The following IL34 variants were observed in gnomAD, a reference collection of about 807,000 sequenced individuals.
IL34 encodes the protein interleukin-34.
IL34 carries 17 observed loss-of-function variants against 25.3 expected under a neutral mutation model. The ratio of observed to expected loss-of-function variants is 0.67; its 90% CI spans 0.46 to 1.01. IL34 has a LOEUF of 1.01. IL34 is among the 50% of genes least tolerant of loss of function. The pLI is 0.00. For synonymous variants in IL34, 174 were observed against 140.9 expected (o/e 1.23, Z -1.66); for missense variants, 368 against 312.9 (o/e 1.18, Z -1.33).
chr16:70,647,772 A>C (rs1339218724), intron 1 of IL34, among the ~76,000 whole-genome samples: 1 of 152,164 alleles, frequency 6.6e-6, no homozygotes, highest in Non-Finnish European at 1.5e-5. Context: ...TTGAAAGAAG[A>C]GTTGGGTCCA....
At position 70,656,594 on chromosome 16, in the gene IL34, C is replaced by G. The variant is rs370985022; in HGVS notation, c.163-8C>G. On this transcript the variant is annotated splice_region_variant and splice_polypyrimidine_tract_variant and intron_variant, in intron 2 of 5. Coordinates refer to ENST00000288098, the MANE Select transcript of IL34 (RefSeq NM_001393494.1). Reference sequence around the variant, plus strand: ...CTGGCCTCATAGTTTGTTCTTGTGCCTCTCCAGAAACACTACTTCCCCATC... The same window carrying G: ...CTGGCCTCATAGTTTGTTCTTGTGCGTCTCCAGAAACACTACTTCCCCATC... The G allele has an allele frequency of 4.1e-6, 5 of 1,215,374 alleles. No individual in the cohort carries two copies. In the African/African-American group the frequency reaches 5.9e-5, roughly 14 times the overall value. The allele number at this position is 1,215,374 out of a possible 1,614,324, so 75.3% of individuals were successfully genotyped here. A position where few individuals can be genotyped will look rare whatever the true frequency, so the allele number is the denominator to read the frequency against.
chr16:70,628,317 C>T (rs894434494), intron 1 of IL34, among the ~76,000 whole-genome samples: 3 of 152,084 alleles, frequency 2.0e-5, no homozygotes, highest in Admixed American at 6.6e-5. Flanking sequence ...TATCTTTTTC[C>T]ATTTGTTTAA....
intron 1 of IL34, among the ~76,000 whole-genome samples, chr16:70,612,405 G>A (rs1408445108): frequency 1.3e-5 from 2 of 151,990 alleles, no homozygotes; most frequent in African/African-American, 4.8e-5. Context: ...ACGGTGCAGA[G>A]GCCAAGGCCC....
At chr16:70,609,378 C>G (rs2070365890) in intron 1 of IL34, among the ~76,000 whole-genome samples, 1 of 152,212 alleles carries the variant, frequency 6.6e-6, no homozygotes, top group Admixed American at 6.5e-5. Context: ...CACGCTTGGC[C>G]TGAAAGTGGG....
chr16:70,617,396 G>A (rs1244016493), intron 1 of IL34, among the ~76,000 whole-genome samples: 3 of 152,146 alleles, frequency 2.0e-5, no homozygotes, highest in South Asian at 2.1e-4. Flanking sequence ...TGTGTAAACC[G>A]GCAGTGTAAA....
At chr16:70,636,087 G>T (rs2051636548) in intron 1 of IL34, among the ~76,000 whole-genome samples, 1 of 151,190 alleles carries the variant, frequency 6.6e-6, no homozygotes, top group Non-Finnish European at 1.5e-5. Flanking sequence ...TGCCCAGGTT[G>T]GAGTGCAGTG....
chr16:70,626,310 C>T (rs2051392188), intron 1 of IL34, among the ~76,000 whole-genome samples: 1 of 152,028 alleles, frequency 6.6e-6, no homozygotes, highest in Non-Finnish European at 1.5e-5. Context: ...TCAAATTTAT[C>T]AGTCTTTTAT....
intron 1 of IL34, among the ~76,000 whole-genome samples, chr16:70,621,770 T>C (rs1369185432): frequency 1.3e-5 from 2 of 151,968 alleles, no homozygotes; most frequent in East Asian, 3.9e-4. Context: ...AAAGGAAAAT[T>C]ACAGTCAAAG....
intron 1 of IL34, among the ~76,000 whole-genome samples, chr16:70,630,282 G>C (rs1163724552): frequency 6.6e-6 from 1 of 151,958 alleles, no homozygotes; most frequent in Non-Finnish European, 1.5e-5. Context: ...CTGTCGCACA[G>C]GCTGGAATGC....
At chr16:70,621,108 C>T (rs887555000) in intron 1 of IL34, among the ~76,000 whole-genome samples, 7 of 151,930 alleles carry the variant, frequency 4.6e-5, no homozygotes, top group South Asian at 4.2e-4. Context: ...CGGGACTTGT[C>T]GCTAAGGGTG....
chr16:70,617,037 G>A (rs1567446016), intron 1 of IL34, among the ~76,000 whole-genome samples: 1 of 152,116 alleles, frequency 6.6e-6, no homozygotes, highest in Non-Finnish European at 1.5e-5. Flanking sequence ...GCTTCAAGCA[G>A]GATTAGGGGT....
intron 1 of IL34, among the ~76,000 whole-genome samples, chr16:70,634,062 G>T (rs868577405): frequency 2.0e-5 from 3 of 151,382 alleles, no homozygotes; most frequent in Non-Finnish European, 4.4e-5. Flanking sequence ...TGTTGGCCAG[G>T]CTAGTCTCAA....
chr16:70,657,516 G>A (rs756748991), intron 4 of IL34, among the ~76,000 whole-genome samples: 4 of 152,152 alleles, frequency 2.6e-5, no homozygotes, highest in Non-Finnish European at 5.9e-5. Context: ...GCTGCAGGCC[G>A]GGCGCGGCGG....
chr16:70,658,848 T>G (rs1320900500), intron 4 of IL34, among the ~76,000 whole-genome samples: 1 of 152,222 alleles, frequency 6.6e-6, no homozygotes, highest in Non-Finnish European at 1.5e-5. Context: ...GCATTGGATT[T>G]AGGGCCTACC....
At chr16:70,639,454 C>T (rs868838442) in intron 1 of IL34, among the ~76,000 whole-genome samples, 2 of 152,168 alleles carry the variant, frequency 1.3e-5, no homozygotes, top group African/African-American at 4.8e-5. Flanking sequence ...AACGCTTGAT[C>T]AGAAAGCGAG....
At chr16:70,622,449 A>G (rs1250640179) in intron 1 of IL34, among the ~76,000 whole-genome samples, 1 of 136,450 alleles carries the variant, frequency 7.3e-6, no homozygotes, top group Non-Finnish European at 1.7e-5. Context: ...TCCACGATGG[A>G]AAGGAAATGA....
At chr16:70,627,114 C>A (rs563296276) in intron 1 of IL34, among the ~76,000 whole-genome samples, 11 of 152,282 alleles carry the variant, frequency 7.2e-5, no homozygotes, top group Admixed American at 7.2e-4. Context: ...AGGCCTGAGC[C>A]ACTAAGCCTG....
intron 1 of IL34, among the ~76,000 whole-genome samples, chr16:70,633,037 T>C (rs550619626): frequency 7.9e-5 from 12 of 152,304 alleles, no homozygotes; most frequent in African/African-American, 2.6e-4. Flanking sequence ...CAACCATGGC[T>C]CACTGCAGCC....
intron 1 of IL34, among the ~76,000 whole-genome samples, chr16:70,618,980 A>G (rs1227443200): frequency 6.6e-6 from 1 of 152,158 alleles, no homozygotes; most frequent in African/African-American, 2.4e-5. Flanking sequence ...ATAATGGGTT[A>G]TAGAGGCAGG....
Sources: allele counts gnomAD v4.1 joint callset (sites outside exome capture counted in the v4.1 genomes callset), GRCh38; gene constraint gnomAD v4.1.1; transcripts MANE v1.5; gene names NCBI Gene and HGNC (gene_info 2026-07-23, HGNC 2026-07-21).